The following POU2F1 variants were observed in gnomAD, a reference collection of about 807,000 sequenced individuals.
The protein encoded by POU2F1 is POU class 2 homeobox 1.
A neutral mutation model predicts 84.9 loss-of-function variants in POU2F1; 16 were observed. That is an observed-to-expected ratio of 0.19 (90% CI 0.13 to 0.29). The LOEUF is 0.29. Among genes scored for constraint, POU2F1 ranks in the 10% least tolerant of loss-of-function variants. The probability of loss-of-function intolerance (pLI) is 1.00; values close to 1 mark genes in which losing one functional copy is unlikely to be tolerated. For missense variants in POU2F1, 738 were observed against 942.6 expected, an observed-to-expected ratio of 0.78 and a Z score of 2.84; for synonymous variants, 368 against 368.3, an observed-to-expected ratio of 1.00 and a Z score of 0.01.
chr1:167,383,603 G>T (rs1026719878), intron 7 of POU2F1: 9 of 262,654 alleles, frequency 3.4e-5, no homozygotes, highest in African/African-American at 1.8e-4. Context: ...TAAAATAAAG[G>T]ATTGACCTAT....
chr1:167,298,119 T>TC (rs1654412932), intron 1 of POU2F1, among the ~76,000 whole-genome samples: 1 of 151,626 alleles, frequency 6.6e-6, no homozygotes, highest in Admixed American at 6.6e-5. Context: ...AGAGTGAAAC[T>TC]CCATCTCCAA....
rs1649945593 is a variant in POU2F1, at chr1:167,411,251, G to A, written c.1556-708G>A. Among the ~76,000 whole-genome samples, 4 of 151,994 alleles carry A rather than the reference G, an allele frequency of 2.6e-5. No homozygotes were observed. The South Asian group carries it at 8.3e-4, about 32-fold the overall frequency. Reference sequence around the variant, plus strand: ...GGCAGGGTTTCACCATGTTGGCCAGGATGGTCTCAATCTCTTGACCTCTTG... The same window carrying A: ...GGCAGGGTTTCACCATGTTGGCCAGAATGGTCTCAATCTCTTGACCTCTTG... On this transcript the variant is annotated intron_variant, in intron 13 of 15. Transcript: ENST00000367866.
chr1:167,368,728 G>A (rs1207371030), intron 3 of POU2F1, among the ~76,000 whole-genome samples: 1 of 151,942 alleles, frequency 6.6e-6, no homozygotes, highest in Non-Finnish European at 1.5e-5. Context: ...TTTTGTTTTT[G>A]TGTTTGAGGG....
intron 12 of POU2F1, 120 bp from the exon 13 acceptor site, chr1:167,401,331 G>A (rs1649192644): frequency 1.7e-6 from 1 of 598,318 alleles, no homozygotes; most frequent in Non-Finnish European, 2.9e-6. Flanking sequence ...TCGAATAGCA[G>A]CTTTCCAACA....
At chr1:167,294,236 C>T (rs1435635688) in intron 1 of POU2F1, among the ~76,000 whole-genome samples, 2 of 149,642 alleles carry the variant, frequency 1.3e-5, no homozygotes, top group Non-Finnish European at 3.0e-5. Flanking sequence ...GTGGTCCCAG[C>T]TACTCAGGAG....
At chr1:167,221,250 C>T (rs1057047065) in intron 1 of POU2F1, among the ~76,000 whole-genome samples, 5 of 151,376 alleles carry the variant, frequency 3.3e-5, no homozygotes, top group East Asian at 3.9e-4. Flanking sequence ...TCGGCACCGG[C>T]CCTCCTCCTC....
rs1440771166 is a variant in POU2F1, at chr1:167,417,039, C to T, written c.*1229C>T. 6.6e-6 allele frequency: 1 copy of T among 152,092 alleles called. No individual in the cohort carries two copies. Among genetic ancestry groups the T allele is most frequent in the Non-Finnish European group, 1.5e-5 (1 of 68,024 alleles). The allele number at this position is 152,092 out of a possible 1,614,324, so 9.4% of individuals were successfully genotyped here. ...ACTTACTGAAATTGGGAAACTTTTC[C>T]CTTCTTTTATTTTCTAAAGGAATTC... is the stretch of plus-strand genomic sequence containing the variant. On this transcript the variant is annotated 3_prime_UTR_variant, in exon 16 of 16. Coordinates refer to ENST00000367866, the MANE Select transcript of POU2F1 (RefSeq NM_002697.4).
At chr1:167,341,402 T>C (rs563872031) in intron 2 of POU2F1, among the ~76,000 whole-genome samples, 1 of 152,326 alleles carries the variant, frequency 6.6e-6, no homozygotes, top group East Asian at 1.9e-4. Flanking sequence ...TACAGTCAAT[T>C]AACTGTCTTT....
rs191903316 is a variant in POU2F1, at chr1:167,364,326, C to G, written c.128-1141C>G. 4.8e-3 allele frequency among the ~76,000 whole-genome samples: 731 copies of G among 151,384 alleles called. 6 individuals carry two copies. Among genetic ancestry groups the G allele is most frequent in the African/African-American group, 0.017 (691 of 41,326 alleles). On this transcript the variant is annotated intron_variant, in intron 2 of 15. Coordinates refer to ENST00000367866, the MANE Select transcript of POU2F1 (RefSeq NM_002697.4). Reference sequence around the variant, plus strand: ...CGGGCGGATCACGAGGTCAGGAGATCGAGACCATCCCGGCTATAACGGTGA... The same window carrying G: ...CGGGCGGATCACGAGGTCAGGAGATGGAGACCATCCCGGCTATAACGGTGA...
chr1:167,235,187 A>G lies in POU2F1; in HGVS notation c.61+14229A>G, dbSNP rs78036212. Among the ~76,000 whole-genome samples, 1,059 of 151,872 alleles carry G rather than the reference A, an allele frequency of 7.0e-3. 14 individuals carry two copies. The highest frequency in any genetic ancestry group is 0.024 in the African/African-American group (996 of 41,392). ...AGTTGTTAATGCTGTTTATTTCTCA[A>G]TTTTTCTTTTACACTACATTGCTAA... On this transcript the variant is annotated intron_variant, in intron 1 of 15. Transcript: ENST00000367866.
At chr1:167,384,926 T>C (rs1036616813) in intron 8 of POU2F1, among the ~76,000 whole-genome samples, 47 of 152,218 alleles carry the variant, frequency 3.1e-4, no homozygotes, top group African/African-American at 1.1e-3. Context: ...TCTTAGTTGC[T>C]AGATGACATG....
chr1:167,257,059 G>A (rs1331087615), intron 1 of POU2F1, among the ~76,000 whole-genome samples: 1 of 152,144 alleles, frequency 6.6e-6, no homozygotes, highest in Non-Finnish European at 1.5e-5. Context: ...ATTGCTCAAG[G>A]TACTGTTGGC....
At chr1:167,249,431 C>G (rs1254944559) in intron 1 of POU2F1, among the ~76,000 whole-genome samples, 1 of 152,030 alleles carries the variant, frequency 6.6e-6, no homozygotes, top group African/African-American at 2.4e-5. Flanking sequence ...TTTTGTTTTT[C>G]TAATAGTGCT....
intron 2 of POU2F1, among the ~76,000 whole-genome samples, chr1:167,349,047 T>A (rs895977274): frequency 4.6e-5 from 7 of 152,304 alleles, no homozygotes; most frequent in Admixed American, 2.0e-4. Flanking sequence ...GGAATATGAC[T>A]TTGTAACCCT....
chr1:167,384,811 G>A (rs1647840366), intron 8 of POU2F1, among the ~76,000 whole-genome samples: 1 of 152,082 alleles, frequency 6.6e-6, no homozygotes, highest in African/African-American at 2.4e-5. Flanking sequence ...GTGACCAGTT[G>A]CCACTTTTAT....
At position 167,351,544 on chromosome 1, in the gene POU2F1, GAAAGAAAGAAAAA is replaced by G. The variant is rs1202631577; in HGVS notation, c.128-13915_128-13903del. ...CAAAAAAAAAAAAAAAAAAAAAAAA[GAAAGAAAGAAAAA>G]AAAGAAAAGAAACTATTAATGTTAT... On this transcript the variant is annotated intron_variant, in intron 2 of 15. Coordinates refer to ENST00000367866, the MANE Select transcript of POU2F1 (RefSeq NM_002697.4). Among the ~76,000 whole-genome samples, 15 of 115,174 alleles carry G rather than the reference GAAAGAAAGAAAAA, an allele frequency of 1.3e-4. No homozygotes were observed. The East Asian group carries it at 3.7e-3, about 28-fold the overall frequency. 75.6% of individuals were successfully genotyped at this position (115,174 alleles called of 152,430 possible).
At chr1:167,370,707 T>A (rs939640601) in intron 4 of POU2F1, among the ~76,000 whole-genome samples, 1 of 152,222 alleles carries the variant, frequency 6.6e-6, no homozygotes. Flanking sequence ...GGGTTCAGTT[T>A]TTCTCATCTG....
chr1:167,352,228 CG>C (rs1176802051), intron 2 of POU2F1, among the ~76,000 whole-genome samples: 41 of 152,130 alleles, frequency 2.7e-4, no homozygotes, highest in Non-Finnish European at 3.8e-4. Flanking sequence ...TATTTGAAGA[CG>C]TTTTTTGACA....
intron 13 of POU2F1, among the ~76,000 whole-genome samples, chr1:167,402,361 T>A (rs1392821892): frequency 6.6e-6 from 1 of 152,230 alleles, no homozygotes. Flanking sequence ...GTTTTAAGTT[T>A]ACAATGCCTC....
Sources: allele counts gnomAD v4.1 joint callset (sites outside exome capture counted in the v4.1 genomes callset), GRCh38; gene constraint gnomAD v4.1.1; transcripts MANE v1.5; gene names NCBI Gene and HGNC (gene_info 2026-07-23, HGNC 2026-07-21).